GRK5: variants seen among roughly 807,000 people sequenced by gnomAD.
The protein encoded by GRK5 is g protein-coupled receptor kinase GRK5.
A neutral mutation model predicts 78.4 loss-of-function variants in GRK5; 40 were observed. The observed-to-expected ratio is 0.51, with a 90% CI of 0.40 to 0.66. The LOEUF (loss-of-function observed/expected upper bound fraction) is 0.66, where lower values mean the gene tolerates loss of function less well. Among genes scored for constraint, GRK5 ranks in the 30% least tolerant of loss-of-function variants. The probability of loss-of-function intolerance (pLI) is 0.00; values close to 1 mark genes in which losing one functional copy is unlikely to be tolerated. For missense variants in GRK5, 598 were observed against 759.9 expected, an observed-to-expected ratio of 0.79 and a Z score of 2.50; for synonymous variants, 289 against 296.8, an observed-to-expected ratio of 0.97 and a Z score of 0.27.
At chr10:119,210,110 GTGAT>G (rs1373091430) in intron 1 of GRK5, among the ~76,000 whole-genome samples, 1 of 152,178 alleles carries the variant, frequency 6.6e-6, no homozygotes, top group African/African-American at 2.4e-5. Context: ...CAGAATTACA[GTGAT>G]TGAAAGTGCT....
chr10:119,360,870 T>C (rs966739256), intron 2 of GRK5, among the ~76,000 whole-genome samples: 3 of 152,194 alleles, frequency 2.0e-5, no homozygotes, highest in African/African-American at 7.2e-5. Flanking sequence ...CCCGAGGCCC[T>C]GAGCGTTCTG....
intron 1 of GRK5, among the ~76,000 whole-genome samples, chr10:119,223,576 T>A (rs1848690847): frequency 6.6e-6 from 1 of 152,076 alleles, no homozygotes; most frequent in African/African-American, 2.4e-5. Context: ...GGTCCCCAAA[T>A]AGGACTCTGC....
At chr10:119,293,799 GTA>G (rs1850027082) in intron 1 of GRK5, among the ~76,000 whole-genome samples, 1 of 152,168 alleles carries the variant, frequency 6.6e-6, no homozygotes, top group African/African-American at 2.4e-5. Flanking sequence ...CCTCGGGGTG[GTA>G]CCCGAGTCTG....
At chr10:119,362,417 G>A (rs1309126453) in intron 2 of GRK5, among the ~76,000 whole-genome samples, 2 of 152,242 alleles carry the variant, frequency 1.3e-5, no homozygotes, top group Non-Finnish European at 2.9e-5. Flanking sequence ...AAACAAATGT[G>A]ATTCCTAATG....
chr10:119,241,086 GA>G (rs940753040), intron 1 of GRK5, among the ~76,000 whole-genome samples: 1 of 152,090 alleles, frequency 6.6e-6, no homozygotes, highest in South Asian at 2.1e-4. Context: ...TCGGAGACTG[GA>G]AAAAAATCCG....
intron 2 of GRK5, among the ~76,000 whole-genome samples, chr10:119,340,339 C>G (rs1850963412): frequency 6.6e-6 from 1 of 152,140 alleles, no homozygotes; most frequent in Non-Finnish European, 1.5e-5. Context: ...ATTGGCCAGG[C>G]TGGTCTTGAA....
intron 1 of GRK5, among the ~76,000 whole-genome samples, chr10:119,256,711 T>TC (rs1849292603): frequency 1.3e-5 from 2 of 151,340 alleles, no homozygotes; most frequent in Non-Finnish European, 2.9e-5. Context: ...CTTTGGAACA[T>TC]CCCCCCTCTT....
chr10:119,323,100 A>G (rs1564890831), intron 1 of GRK5, among the ~76,000 whole-genome samples: 1 of 152,254 alleles, frequency 6.6e-6, no homozygotes, highest in Non-Finnish European at 1.5e-5. Context: ...AGTAGTCACA[A>G]TCACAGACAT....
chr10:119,280,654 G>T (rs1849746996), intron 1 of GRK5, among the ~76,000 whole-genome samples: 1 of 152,164 alleles, frequency 6.6e-6, no homozygotes, highest in Non-Finnish European at 1.5e-5. Context: ...AATTGGAATT[G>T]CTAGATGCTA....
chr10:119,455,396 A>G lies in GRK5; in HGVS notation c.*329A>G. On this transcript the variant is annotated 3_prime_UTR_variant, in exon 16 of 16. Coordinates refer to ENST00000392870, the MANE Select transcript of GRK5 (RefSeq NM_005308.3). The stretch of plus-strand genomic sequence containing the variant: ...TTTTGTCTTTATGATTTTTAAAGAA[A>G]AGTTTTGTAAATTTCTCTACTGTCT... 1 of 488,788 alleles carries G rather than the reference A, an allele frequency of 2.0e-6. No individual in the cohort carries two copies. The highest frequency in any genetic ancestry group is 1.7e-5 in the South Asian group (1 of 57,976). 30.3% of individuals were successfully genotyped at this position (488,788 alleles called of 1,614,324 possible). A position where few individuals can be genotyped will look rare whatever the true frequency, so the allele number is the denominator to read the frequency against.
intron 2 of GRK5, among the ~76,000 whole-genome samples, chr10:119,359,298 A>G (rs1036437107): frequency 6.6e-6 from 1 of 151,918 alleles, no homozygotes; most frequent in African/African-American, 2.4e-5. Context: ...ATTTCAGGGA[A>G]CCCCACATGT....
At chr10:119,403,627 C>G (rs958519723) in intron 4 of GRK5, among the ~76,000 whole-genome samples, 1 of 151,838 alleles carries the variant, frequency 6.6e-6, no homozygotes, top group African/African-American at 2.4e-5. Flanking sequence ...TTATTTCTAC[C>G]TTTTTGTTGT....
chr10:119,430,510 A>C lies in GRK5; in HGVS notation c.597+72A>C. On this transcript the variant is annotated intron_variant, in intron 7 of 15. Coordinates refer to ENST00000392870, the MANE Select transcript of GRK5 (RefSeq NM_005308.3). The surrounding 1 kb of genome is among the most constrained non-coding windows in gnomAD (Gnocchi z 4.5). ...CACCTTTCCTGTCCCTTCTAAATCA[A>C]CCTAAAGGGTTGGCCCACGGGTCCC... The C allele has an allele frequency of 7.7e-6, 11 of 1,427,136 alleles. No individual in the cohort carries two copies. The highest frequency in any genetic ancestry group is 2.3e-5 in the East Asian group (1 of 42,772). 88.4% of individuals were successfully genotyped at this position (1,427,136 alleles called of 1,614,324 possible).
intron 4 of GRK5, among the ~76,000 whole-genome samples, chr10:119,398,611 T>A (rs754818319): frequency 3.3e-5 from 5 of 152,172 alleles, no homozygotes; most frequent in African/African-American, 4.8e-5. Flanking sequence ...GCAACTAGAA[T>A]GTATTGAGGA....
chr10:119,358,191 G>C (rs1485412246), intron 2 of GRK5, among the ~76,000 whole-genome samples: 1 of 152,178 alleles, frequency 6.6e-6, no homozygotes, highest in African/African-American at 2.4e-5. Context: ...AGGTAGGTGA[G>C]GGCAAGGGTG....
Position 119,238,487 on chromosome 10 carries a change from G to T in GRK5, c.52+30518G>T, listed in dbSNP as rs1848969152. On this transcript the variant is annotated intron_variant, in intron 1 of 15. Transcript: ENST00000392870. This position sits in a 1 kb window ranked among gnomAD's most constrained non-coding sequence, Gnocchi z 4.7. Reference sequence around the variant, plus strand: ...CACACCCCACCCCTCAACCGCCTGAGAAATTTCTGGAACTGCGTTTAGTCT... The same window carrying T: ...CACACCCCACCCCTCAACCGCCTGATAAATTTCTGGAACTGCGTTTAGTCT... Among the ~76,000 whole-genome samples the T allele has an allele frequency of 1.3e-5, 2 of 152,062 alleles. No individual in the cohort carries two copies. The highest frequency in any genetic ancestry group is 2.9e-5 in the Non-Finnish European group (2 of 68,020).
At chr10:119,277,412 G>T (rs377622235) in intron 1 of GRK5, among the ~76,000 whole-genome samples, 111 of 152,300 alleles carry the variant, frequency 7.3e-4, no homozygotes, top group African/African-American at 2.4e-3. Context: ...TGATGTTGAG[G>T]CATGATCTCT....
intron 3 of GRK5, among the ~76,000 whole-genome samples, chr10:119,395,448 G>A (rs1478605141): frequency 6.6e-6 from 1 of 152,202 alleles, no homozygotes; most frequent in Non-Finnish European, 1.5e-5. Context: ...ACTGCATGGT[G>A]GGACGCCTGG....
intron 12 of GRK5, 48 bp downstream of exon 12, chr10:119,443,800 C>A: frequency 6.7e-7 from 1 of 1,490,564 alleles, no homozygotes; most frequent in South Asian, 1.2e-5. Flanking sequence ...TGGCTCCCCT[C>A]CCTGGGCCTG....
Sources: allele counts gnomAD v4.1 joint callset (sites outside exome capture counted in the v4.1 genomes callset), GRCh38; gene constraint gnomAD v4.1.1; non-coding constraint Gnocchi (gnomAD v3.1); transcripts MANE v1.5; gene names NCBI Gene and HGNC (gene_info 2026-07-23, HGNC 2026-07-21).